The following LARGE1 variants were observed in gnomAD, a reference collection of about 807,000 sequenced individuals.
The protein encoded by LARGE1 is xylosyl- and glucuronyltransferase LARGE1.
A neutral mutation model predicts 87.6 loss-of-function variants in LARGE1; 43 were observed. The observed-to-expected ratio is 0.49, with a 90% CI of 0.38 to 0.63. The LOEUF is 0.63. LARGE1 is among the 30% of genes least tolerant of loss of function. LARGE1 has a pLI of 0.00. For synonymous variants in LARGE1, 434 were observed against 394.6 expected (o/e 1.10, Z -1.18); for missense variants, 802 against 1,000.2 (o/e 0.80, Z 2.67).
At chr22:33,403,251 C>T (rs1481717148) in intron 7 of LARGE1, among the ~76,000 whole-genome samples, 1 of 152,192 alleles carries the variant, frequency 6.6e-6, no homozygotes, top group Non-Finnish European at 1.5e-5. Flanking sequence ...AGTATAAGCT[C>T]CTGCATTGGC....
At chr22:33,810,348 A>T (rs1396270337) in intron 1 of LARGE1, among the ~76,000 whole-genome samples, 3 of 152,106 alleles carry the variant, frequency 2.0e-5, no homozygotes, top group African/African-American at 7.2e-5. Flanking sequence ...TACTCTCTGG[A>T]CCTCCGCTGA....
chr22:33,921,781 T>TCCCA (rs2065955799), upstream of LARGE1, among the ~76,000 whole-genome samples: 1 of 151,906 alleles, frequency 6.6e-6, no homozygotes, highest in African/African-American at 2.4e-5. This position sits in a 1 kb window ranked among gnomAD's most constrained non-coding sequence, Gnocchi z 4.1. Flanking sequence ...ACTTCCAGCC[T>TCCCA]CCCAGTTCTA....
At chr22:33,878,154 T>TTTTTTTTTTTTTTTTTTTTTTTTG (rs1489109532) in intron 1 of LARGE1, among the ~76,000 whole-genome samples, 2 of 135,978 alleles carry the variant, frequency 1.5e-5, no homozygotes, top group Admixed American at 7.6e-5. Context: ...TTTTTTTTTT[T>TTTTTTTTTTTTTTTTTTTTTTTTG]AGAGACAGAG....
At chr22:33,333,950 C>G (rs554632386) in intron 10 of LARGE1, among the ~76,000 whole-genome samples, 1 of 151,450 alleles carries the variant, frequency 6.6e-6, no homozygotes, top group East Asian at 2.0e-4. Flanking sequence ...GAAAACCTGT[C>G]TCTACTAAAA....
At chr22:33,334,848 G>A (rs1393018612) in intron 10 of LARGE1, among the ~76,000 whole-genome samples, 2 of 152,224 alleles carry the variant, frequency 1.3e-5, no homozygotes, top group Non-Finnish European at 2.9e-5. Flanking sequence ...TGAGCTACAC[G>A]GCTCCTGGCA....
At chr22:33,487,600 T>C (rs1261191115) in intron 6 of LARGE1, among the ~76,000 whole-genome samples, 2 of 152,136 alleles carry the variant, frequency 1.3e-5, no homozygotes, top group Non-Finnish European at 2.9e-5. Flanking sequence ...TCAGTAGACT[T>C]ACTGATCAAG....
chr22:33,852,254 G>A (rs1280598426), intron 1 of LARGE1, among the ~76,000 whole-genome samples: 3 of 152,138 alleles, frequency 2.0e-5, no homozygotes, highest in Non-Finnish European at 4.4e-5. Context: ...GGTCAGCCCT[G>A]GAGCTACAAA....
At chr22:33,761,331 T>C (rs1229231745) in intron 2 of LARGE1, 40 bp downstream of exon 2, 1 of 1,475,624 alleles carries the variant, frequency 6.8e-7, no homozygotes, top group Non-Finnish European at 9.5e-7. Flanking sequence ...AATGTTCCCT[T>C]TCTTCCCTCC....
chr22:33,586,664 AG>A (rs1428903834), intron 5 of LARGE1, among the ~76,000 whole-genome samples: 2 of 151,970 alleles, frequency 1.3e-5, no homozygotes, highest in Non-Finnish European at 2.9e-5. Flanking sequence ...TCACCATGTT[AG>A]CCAGGATGGT....
rs1235431528 is a variant in LARGE1, at chr22:33,193,979, T to C, written c.1731-27147A>G. On this transcript the variant is annotated intron_variant, in intron 11 of 11. Coordinates refer to the LARGE1 transcript ENST00000608642. ...ATGTTATATATGTTTATATTTTATA[T>C]ATAATTTTACATATATATAAAAACA... Among the ~76,000 whole-genome samples, 8 of 148,016 alleles carry C rather than the reference T, an allele frequency of 5.4e-5. No individual in the cohort carries two copies. The East Asian group carries it at 9.7e-4, about 18-fold the overall frequency.
downstream of LARGE1, among the ~76,000 whole-genome samples, chr22:33,269,197 A>G (rs1928115648): frequency 6.6e-6 from 1 of 152,360 alleles, no homozygotes; most frequent in African/African-American, 2.4e-5. Flanking sequence ...CAAAATGTTA[A>G]CAAATGGTTA....
intron 9 of LARGE1, among the ~76,000 whole-genome samples, chr22:33,340,073 G>A (rs555968530): frequency 2.0e-5 from 3 of 148,960 alleles, no homozygotes; most frequent in African/African-American, 7.8e-5. Flanking sequence ...TATTACTATA[G>A]AATAACCATG....
chr22:33,157,894 T>C (rs548808610), downstream of LARGE1, among the ~76,000 whole-genome samples: 1 of 152,222 alleles, frequency 6.6e-6, no homozygotes, highest in South Asian at 2.1e-4. Context: ...ACTGCCAACC[T>C]AGATTTGTAG....
chr22:33,433,607 CA>C (rs57605083), intron 6 of LARGE1, among the ~76,000 whole-genome samples: 23,543 of 90,566 alleles, frequency 0.26, 1,620 homozygotes, highest in African/African-American at 0.44. Context: ...AAAAACAAAA[CA>C]AAAAAAAAAA....
intron 1 of LARGE1, among the ~76,000 whole-genome samples, chr22:33,830,140 C>T (rs1043691486): frequency 1.3e-5 from 2 of 152,012 alleles, no homozygotes; most frequent in African/African-American, 4.8e-5. Flanking sequence ...TTAAAGCAAC[C>T]GTGTGTGCTC....
rs1015039901 is a variant in LARGE1, at chr22:33,495,491, C to A, written c.788-63226G>T. Among the ~76,000 whole-genome samples the A allele has an allele frequency of 1.2e-4, 18 of 152,170 alleles. No homozygotes were observed. In the East Asian group the frequency reaches 3.1e-3, roughly 26 times the overall value. ...ATCCCAGCACTTTGGGAGGCCCAGG[C>A]GGGCTGATCACAAGGTCAGGAGTTC... On this transcript the variant is annotated intron_variant, in intron 6 of 14. Coordinates refer to ENST00000397394, the MANE Select transcript of LARGE1 (RefSeq NM_133642.5).
chr22:33,128,869 C>T, the LARGE1 span, among the ~76,000 whole-genome samples: 1 of 152,164 alleles, frequency 6.6e-6, no homozygotes, highest in Non-Finnish European at 1.5e-5. Flanking sequence ...ACCACATGTT[C>T]TCACTTACAA....
intron 11 of LARGE1, among the ~76,000 whole-genome samples, chr22:33,199,294 C>A (rs1015191743): frequency 6.6e-6 from 1 of 150,712 alleles, no homozygotes; most frequent in South Asian, 2.1e-4. Context: ...AATACTTTTT[C>A]CCTGCTGTAG....
intron 2 of LARGE1, chr22:33,746,551 C>A (rs1488632899): frequency 6.6e-6 from 1 of 152,182 alleles, no homozygotes; most frequent in African/African-American, 2.4e-5. Flanking sequence ...TGGTGATCCA[C>A]CCAATGGCAC....
Sources: gnomAD v4.1 joint callset for allele counts (sites outside exome capture counted in the v4.1 genomes callset) on GRCh38, gnomAD v4.1.1 for gene constraint, Gnocchi (gnomAD v3.1) non-coding constraint, MANE v1.5 for transcripts, NCBI Gene and HGNC (gene_info 2026-07-23, HGNC 2026-07-21) for gene names.